LINGO2: variants seen among roughly 807,000 people sequenced by gnomAD.
LINGO2 encodes leucine rich repeat and Ig domain containing 2.
In LINGO2, 14 loss-of-function variants were observed where a neutral mutation model predicts 30.6. The observed-to-expected ratio is 0.46, with a 90% CI of 0.30 to 0.72. The LOEUF is 0.72. Among genes scored for constraint, LINGO2 ranks in the 30% least tolerant of loss-of-function variants. LINGO2 has a pLI of 0.07. For missense variants in LINGO2, 729 were observed against 751.7 expected (o/e 0.97, Z 0.35); for synonymous variants, 317 against 288.5 (o/e 1.10, Z -1.00).
chr9:28,118,407 G>A (rs1826996918), intron 4 of LINGO2, among the ~76,000 whole-genome samples: 1 of 152,116 alleles, frequency 6.6e-6, no homozygotes, highest in Non-Finnish European at 1.5e-5. Context: ...CAAAAATAAT[G>A]CCAGGTTTTC....
chr9:28,766,610 G>C, the LINGO2 span, among the ~76,000 whole-genome samples: 1 of 151,950 alleles, frequency 6.6e-6, no homozygotes, highest in Non-Finnish European at 1.5e-5. Flanking sequence ...GCATCTCATA[G>C]ATATCTCTGT....
the LINGO2 span, among the ~76,000 whole-genome samples, chr9:28,848,288 C>CGT: frequency 8.1e-5 from 8 of 99,218 alleles, 1 homozygote; most frequent in Admixed American, 6.5e-4. Context: ...ATACACTATG[C>CGT]ATATATATAT....
the LINGO2 span, among the ~76,000 whole-genome samples, chr9:28,698,718 CCACA>C: frequency 6.6e-6 from 1 of 151,946 alleles, no homozygotes; most frequent in South Asian, 2.1e-4. Flanking sequence ...CCCTTGTCCC[CCACA>C]CACAATCTTC....
intron 4 of LINGO2, among the ~76,000 whole-genome samples, chr9:28,032,480 G>C (rs1229222759): frequency 6.6e-6 from 1 of 152,168 alleles, no homozygotes; most frequent in Admixed American, 6.5e-5. Context: ...GCAATCAATG[G>C]TGAATCTAGT....
the LINGO2 span, among the ~76,000 whole-genome samples, chr9:28,751,044 CG>C: frequency 2.0e-5 from 3 of 151,738 alleles, no homozygotes; most frequent in African/African-American, 7.3e-5. Context: ...GTAGGAGATT[CG>C]CTTGAGAACA....
At chr9:28,118,661 C>T (rs146430062) in intron 4 of LINGO2, among the ~76,000 whole-genome samples, 21 of 152,240 alleles carry the variant, frequency 1.4e-4, no homozygotes, top group African/African-American at 4.8e-4. Context: ...ATTATAATTG[C>T]AGCATTCATA....
chr9:28,286,002 T>G (rs988348036), intron 4 of LINGO2, among the ~76,000 whole-genome samples: 5 of 152,206 alleles, frequency 3.3e-5, no homozygotes, highest in Admixed American at 2.6e-4. Context: ...GAGTCCATAC[T>G]TTATCCATAA....
chr9:28,031,715 G>A (rs1431470887), intron 4 of LINGO2, among the ~76,000 whole-genome samples: 3 of 152,270 alleles, frequency 2.0e-5, no homozygotes, highest in African/African-American at 7.2e-5. Flanking sequence ...TTTGTCCAGG[G>A]CTGATTGGGA....
At chr9:28,388,500 T>C (rs552626718) in intron 2 of LINGO2, among the ~76,000 whole-genome samples, 1 of 152,338 alleles carries the variant, frequency 6.6e-6, no homozygotes, top group Admixed American at 6.5e-5. Flanking sequence ...ATATGGCAAT[T>C]TGTTTCCCAA....
intron 1 of LINGO2, among the ~76,000 whole-genome samples, chr9:28,566,563 A>T (rs1214944480): frequency 6.6e-6 from 1 of 152,102 alleles, no homozygotes. Flanking sequence ...GCTCCCTCAG[A>T]TGTTGTGTAT....
rs1824233116 is a variant in LINGO2, at chr9:28,442,369, A to G, written c.-279+33571T>C. On this transcript the variant is annotated intron_variant, in intron 2 of 5. Transcript: ENST00000379992. The stretch of plus-strand genomic sequence containing the variant: ...TTGTTTATGCTAAGAGTACATCATA[A>G]TTTTTAACAATAAAGAATGGATTAA... 2.0e-5 allele frequency among the ~76,000 whole-genome samples: 3 copies of G among 152,156 alleles called. No individual in the cohort carries two copies. In the South Asian group the frequency reaches 6.2e-4, roughly 32 times the overall value.
intron 4 of LINGO2, among the ~76,000 whole-genome samples, chr9:28,132,503 GGTA>G (rs1316433599): frequency 6.6e-6 from 1 of 152,118 alleles, no homozygotes; most frequent in African/African-American, 2.4e-5. Context: ...AACCATTGCA[GGTA>G]CTTCAGTTAG....
chr9:28,184,611 G>T (rs1286327742), intron 4 of LINGO2, among the ~76,000 whole-genome samples: 1 of 151,306 alleles, frequency 6.6e-6, no homozygotes, highest in Admixed American at 6.6e-5. Context: ...AGAGAGATGG[G>T]GGAAAGAGAA....
the LINGO2 span, among the ~76,000 whole-genome samples, chr9:28,782,173 T>C: frequency 6.6e-6 from 1 of 152,190 alleles, no homozygotes; most frequent in African/African-American, 2.4e-5. Context: ...ATGGCATTAA[T>C]GACGAAATAT....
At chr9:27,953,996 A>G (rs1587524705) in intron 5 of LINGO2, among the ~76,000 whole-genome samples, 1 of 152,170 alleles carries the variant, frequency 6.6e-6, no homozygotes. Flanking sequence ...TTTTTATAAC[A>G]TTATGAATTC....
chr9:28,674,323 A>T (rs900556355), upstream of LINGO2, among the ~76,000 whole-genome samples: 1 of 152,168 alleles, frequency 6.6e-6, no homozygotes, highest in African/African-American at 2.4e-5. Flanking sequence ...GAGTAAGCAT[A>T]TCATTTAGGT....
At chr9:29,206,923 A>G in the LINGO2 span, among the ~76,000 whole-genome samples, 3 of 152,114 alleles carry the variant, frequency 2.0e-5, no homozygotes, top group African/African-American at 7.2e-5. Context: ...AAAATTGAAT[A>G]AAGAAAAAAC....
At chr9:28,843,997 T>C in the LINGO2 span, among the ~76,000 whole-genome samples, 1 of 151,816 alleles carries the variant, frequency 6.6e-6, no homozygotes, top group Non-Finnish European at 1.5e-5. Flanking sequence ...TGATAAAATA[T>C]CAGTGAATTC....
the LINGO2 span, among the ~76,000 whole-genome samples, chr9:29,024,421 A>G: frequency 6.6e-6 from 1 of 152,120 alleles, no homozygotes; most frequent in Non-Finnish European, 1.5e-5. Context: ...GTTTGTGAAA[A>G]TCAATCCTGA....
Sources: allele counts gnomAD v4.1 joint callset (sites outside exome capture counted in the v4.1 genomes callset), GRCh38; gene constraint gnomAD v4.1.1; transcripts MANE v1.5; gene names NCBI Gene and HGNC (gene_info 2026-07-23, HGNC 2026-07-21).